Variants in AXL observed in about 807,000 individuals in gnomAD.
The protein encoded by AXL is tyrosine-protein kinase receptor UFO.
AXL carries 52 observed loss-of-function variants against 104.5 expected under a neutral mutation model. The ratio of observed to expected loss-of-function variants is 0.50; its 90% CI spans 0.40 to 0.63. The LOEUF is 0.63. Ranked by LOEUF, AXL falls within the 20% of genes least tolerant of loss-of-function variation. The pLI, the probability that AXL is intolerant of heterozygous loss-of-function variation, is 0.00. For missense variants in AXL, 1,024 were observed against 1,188.5 expected (o/e 0.86, Z 2.04); for synonymous variants, 455 against 473.7 (o/e 0.96, Z 0.51).
intron 6 of AXL, among the ~76,000 whole-genome samples, chr19:41,232,278 C>A (rs533640642): frequency 7.2e-5 from 11 of 152,118 alleles, no homozygotes; most frequent in African/African-American, 2.7e-4. Flanking sequence ...ATATTACAAC[C>A]CAGATGAGCT....
chr19:41,231,296 C>A lies in AXL; in HGVS notation c.781C>A (p.Gln261Lys), dbSNP rs1239589358. 2.1e-5 allele frequency: 34 copies of A among 1,611,260 alleles called. No individual in the cohort carries two copies. Among genetic ancestry groups the A allele is most frequent in the Non-Finnish European group, 2.8e-5 (33 of 1,178,300 alleles). ...GIYPLTHCTL[Q>K]AVLSDDGMGI... Reference sequence around the variant, plus strand: ...CTACCCCCTGACCCACTGCACCCTGCAGGTGAGACTCCCAAACTTGGTTCA... The same window carrying A: ...CTACCCCCTGACCCACTGCACCCTGAAGGTGAGACTCCCAAACTTGGTTCA... Residue 261 changes from glutamine (Q) to lysine (K), a missense_variant and splice_region_variant, in exon 6 of 20, where the codon CAG (glutamine) becomes AAG (lysine). Physicochemically the swap from Gln to Lys is moderately conservative, Grantham distance 53. Coordinates refer to ENST00000301178, the MANE Select transcript of AXL (RefSeq NM_021913.5).
chr19:41,228,194 C>T (rs755841984), intron 4 of AXL, among the ~76,000 whole-genome samples: 5 of 151,990 alleles, frequency 3.3e-5, no homozygotes, highest in African/African-American at 9.7e-5. Flanking sequence ...TGTGTGTGCA[C>T]GCTGGTCATA....
chr19:41,230,940 G>A, intron 4 of AXL, 27 bp from the exon 5 acceptor site: 1 of 1,609,738 alleles, frequency 6.2e-7, no homozygotes, highest in Non-Finnish European at 8.5e-7. Flanking sequence ...CTCTGATATT[G>A]GACCCTTCCC....
intron 16 of AXL, among the ~76,000 whole-genome samples, 164 bp downstream of exon 16, chr19:41,253,131 T>G (rs923047472): frequency 6.6e-6 from 1 of 152,050 alleles, no homozygotes. Flanking sequence ...AATAAATACC[T>G]AAGCGAGATG....
At chr19:41,220,418 C>CCGA (rs980980914) in intron 1 of AXL, 36 of 535,460 alleles carry the variant, frequency 6.7e-5, no homozygotes, top group Non-Finnish European at 1.1e-4. Flanking sequence ...AGCCTCCTTC[C>CCGA]CGACGGGATG....
intron 4 of AXL, chr19:41,226,659 C>G: frequency 4.0e-5 from 33 of 823,450 alleles, no homozygotes; most frequent in Non-Finnish European, 4.8e-5. Context: ...ACGAGAGACA[C>G]GTACACAGAT....
intron 6 of AXL, among the ~76,000 whole-genome samples, chr19:41,232,610 C>T (rs1179934192): frequency 1.3e-5 from 2 of 150,054 alleles, no homozygotes; most frequent in South Asian, 2.1e-4. Flanking sequence ...GTAACACGAG[C>T]GAACTTCCGT....
At chr19:41,226,838 C>T (rs1001199792) in intron 4 of AXL, 37 of 975,256 alleles carry the variant, frequency 3.8e-5, no homozygotes, top group African/African-American at 2.8e-4. Flanking sequence ...GCTCTGCCTG[C>T]GATCCAGCAC....
chr19:41,252,511 CT>C, intron 15 of AXL, 68 bp downstream of exon 15: 1 of 1,545,794 alleles, frequency 6.5e-7, no homozygotes, highest in Non-Finnish European at 8.9e-7. Context: ...AAGAGCCCTG[CT>C]TCTGGCCCTG....
At chr19:41,223,022 T>C (rs2033821347) in intron 4 of AXL, among the ~76,000 whole-genome samples, 1 of 150,944 alleles carries the variant, frequency 6.6e-6, no homozygotes, top group Non-Finnish European at 1.5e-5. Flanking sequence ...AGGCCGGGCA[T>C]GGTGGCTCAC....
intron 9 of AXL, 76 bp from the exon 10 acceptor site, chr19:41,239,618 C>T (rs2034146080): frequency 7.0e-6 from 11 of 1,578,086 alleles, no homozygotes; most frequent in Non-Finnish European, 9.6e-6. Flanking sequence ...CCGTGCCACA[C>T]CCTTACTCCC....
intron 7 of AXL, 54 bp from the exon 8 acceptor site, chr19:41,238,416 G>C: frequency 6.3e-7 from 1 of 1,587,992 alleles, no homozygotes; most frequent in Middle Eastern, 2.1e-4. Flanking sequence ...GGGAACAGGG[G>C]AGGGGGTCAG....
chr19:41,258,548 G>A (rs937499987), intron 19 of AXL, among the ~76,000 whole-genome samples: 1 of 152,204 alleles, frequency 6.6e-6, no homozygotes, highest in African/African-American at 2.4e-5. Context: ...CCAAGTAGCT[G>A]GGACTACAGG....
intron 4 of AXL, among the ~76,000 whole-genome samples, chr19:41,229,410 G>A (rs754920262): frequency 4.0e-5 from 6 of 151,788 alleles, no homozygotes; most frequent in Non-Finnish European, 8.8e-5. Context: ...GACTACAGGT[G>A]TGCACCACCA....
intron 17 of AXL, among the ~76,000 whole-genome samples, chr19:41,254,376 CAAAAA>C (rs34633761): frequency 2.5e-5 from 2 of 81,162 alleles, no homozygotes; most frequent in Admixed American, 1.5e-4. Flanking sequence ...GACTCTGTCT[CAAAAA>C]AAAAAAAAAA....
intron 14 of AXL, among the ~76,000 whole-genome samples, chr19:41,251,786 A>G (rs2034367333): frequency 6.6e-6 from 1 of 152,072 alleles, no homozygotes; most frequent in African/African-American, 2.4e-5. Flanking sequence ...TGGGAATGAT[A>G]ATAGTAGCAC....
At position 41,256,439 on chromosome 19, in the gene AXL, C is replaced by T. The variant is rs919576259; in HGVS notation, c.2037-13C>T. On this transcript the variant is annotated splice_polypyrimidine_tract_variant and intron_variant, in intron 17 of 19. Transcript: ENST00000301178. ...TGATGCCCTGACCCTGTTCCTTTCC[C>T]CAATCCAAACAGGCTGAATGAGAAC... is the stretch of plus-strand genomic sequence containing the variant. 1 of 1,608,170 alleles carries T rather than the reference C, an allele frequency of 6.2e-7. No individual in the cohort carries two copies. The highest frequency in any genetic ancestry group is 1.1e-5 in the South Asian group (1 of 90,966).
At chr19:41,259,517 C>G in intron 19 of AXL, 36 bp from the exon 20 acceptor site, 2 of 1,545,786 alleles carry the variant, frequency 1.3e-6, no homozygotes, top group Non-Finnish European at 8.8e-7. Flanking sequence ...TTCTGAGTCC[C>G]TGCTCAATCT....
rs767925068 is a variant in AXL, at chr19:41,238,584, C to T, written c.1109C>T (p.Ala370Val). ...LQGTLLGYRL[A>V]YQGQDTPEVL... The stretch of plus-strand genomic sequence containing the variant: ...GGTACCCTGTTAGGGTACCGGCTGG[C>T]GTATCAAGGCCAGGACACCCCAGAG... The change falls in exon 8 of 20, where the codon GCG (alanine) becomes GTG (valine). Residue 370 changes from alanine (A) to valine (V), a missense_variant. Physicochemically the swap from Ala to Val is moderately conservative, Grantham distance 64 (BLOSUM62 0). This residue lies in a region of AXL where 332 missense variants were observed against 343.9 expected (regional missense o/e 0.97). Coordinates refer to ENST00000301178, the MANE Select transcript of AXL (RefSeq NM_021913.5). 110 of 1,610,534 alleles carry T rather than the reference C, an allele frequency of 6.8e-5. No individual in the cohort carries two copies. Among genetic ancestry groups the T allele is most frequent in the Non-Finnish European group, 7.8e-5 (92 of 1,178,596 alleles).
Sources: allele counts gnomAD v4.1 joint callset (sites outside exome capture counted in the v4.1 genomes callset), GRCh38; gene constraint gnomAD v4.1.1; regional missense constraint gnomAD v4.1.1; transcripts MANE v1.5; gene names NCBI Gene and HGNC (gene_info 2026-07-23, HGNC 2026-07-21).